Variants in NKAIN3 observed in about 807,000 individuals in gnomAD.
NKAIN3 encodes sodium/potassium transporting ATPase interacting 3.
A neutral mutation model predicts 30.2 loss-of-function variants in NKAIN3; 25 were observed. That is an observed-to-expected ratio of 0.83 (90% CI 0.60 to 1.16). NKAIN3 has a LOEUF of 1.16. NKAIN3 is among the 50% of genes most tolerant of loss of function. The pLI, the probability that NKAIN3 is intolerant of heterozygous loss-of-function variation, is 0.00. For missense variants in NKAIN3, 225 were observed against 254.1 expected, an observed-to-expected ratio of 0.89 and a Z score of 0.78; for synonymous variants, 91 against 89.6, an observed-to-expected ratio of 1.02 and a Z score of -0.09.
Position 62,977,661 on chromosome 8 carries a change from C to A in NKAIN3, c.*12254C>A, listed in dbSNP as rs529566778. Among the ~76,000 whole-genome samples, 253 of 152,140 alleles carry A rather than the reference C, an allele frequency of 1.7e-3. No individual in the cohort carries two copies. The highest frequency in any genetic ancestry group is 2.4e-3 in the Non-Finnish European group (161 of 67,992). ...TCCTCGTATTGGGTTACTATATGTTCCATTCGCTCTGAGGAGTTCGTTATT... is the reference window on the plus strand; with the variant it reads ...TCCTCGTATTGGGTTACTATATGTTACATTCGCTCTGAGGAGTTCGTTATT... On this transcript the variant is annotated 3_prime_UTR_variant, in exon 7 of 7. Transcript: ENST00000623646.
chr8:62,962,982 C>T (rs1474211148), intron 6 of NKAIN3, among the ~76,000 whole-genome samples: 1 of 152,096 alleles, frequency 6.6e-6, no homozygotes, highest in East Asian at 1.9e-4. Flanking sequence ...ACGTCCACCT[C>T]CCAGGTTCAA....
chr8:62,838,510 A>G (rs956108577), intron 4 of NKAIN3, among the ~76,000 whole-genome samples: 4 of 152,022 alleles, frequency 2.6e-5, no homozygotes, highest in Admixed American at 2.0e-4. Context: ...AAATTATCTT[A>G]TAATTGTCTT....
intron 5 of NKAIN3, chr8:62,991,130 C>A (rs1824310345): frequency 6.6e-6 from 1 of 152,262 alleles, no homozygotes; most frequent in African/African-American, 2.4e-5. Context: ...CTGAGAGGAG[C>A]CCTCTGTGGT....
At chr8:62,461,510 T>G (rs1806000028) in intron 1 of NKAIN3, among the ~76,000 whole-genome samples, 1 of 152,214 alleles carries the variant, frequency 6.6e-6, no homozygotes, top group Non-Finnish European at 1.5e-5. Flanking sequence ...ATGTTGAACT[T>G]ACTAGACAAT....
At chr8:62,506,476 C>CTTTTTTTTTTTTTTT (rs71255341) in intron 1 of NKAIN3, among the ~76,000 whole-genome samples, 8 of 98,440 alleles carry the variant, frequency 8.1e-5, no homozygotes, top group African/African-American at 1.7e-4. Flanking sequence ...TTCTTTCTTT[C>CTTTTTTTTTTTTTTT]TTTTTTTTTT....
At chr8:62,485,624 CAACTTTGT>C (rs1190495502) in intron 1 of NKAIN3, among the ~76,000 whole-genome samples, 1 of 152,170 alleles carries the variant, frequency 6.6e-6, no homozygotes, top group Non-Finnish European at 1.5e-5. Context: ...GAATGCAACA[CAACTTTGT>C]GTCATGTAGA....
At chr8:62,292,148 G>T (rs1163684023) in intron 1 of NKAIN3, among the ~76,000 whole-genome samples, 3 of 151,878 alleles carry the variant, frequency 2.0e-5, no homozygotes, top group Non-Finnish European at 4.4e-5. Context: ...TGTGAGATGG[G>T]TCTCCTGAAT....
At chr8:62,823,710 A>C (rs1818928067) in intron 4 of NKAIN3, among the ~76,000 whole-genome samples, 1 of 152,098 alleles carries the variant, frequency 6.6e-6, no homozygotes, top group African/African-American at 2.4e-5. Flanking sequence ...TAATCGCTGG[A>C]GATTTGTATA....
chr8:62,411,494 C>T (rs1170304516), intron 1 of NKAIN3, among the ~76,000 whole-genome samples: 1 of 152,080 alleles, frequency 6.6e-6, no homozygotes, highest in African/African-American at 2.4e-5. Context: ...GAACTTGGAA[C>T]AAGAAAAAGA....
chr8:62,819,003 A>G (rs1818772111), intron 4 of NKAIN3, among the ~76,000 whole-genome samples: 1 of 151,890 alleles, frequency 6.6e-6, no homozygotes, highest in Non-Finnish European at 1.5e-5. Context: ...AAAGACATTC[A>G]TGGTATAATC....
intron 1 of NKAIN3, among the ~76,000 whole-genome samples, chr8:62,434,038 A>G (rs1456282226): frequency 6.6e-6 from 1 of 151,896 alleles, no homozygotes; most frequent in Non-Finnish European, 1.5e-5. Flanking sequence ...GTTTGTCCTC[A>G]TGGAGCTTGT....
chr8:62,650,712 A>G lies in NKAIN3; in HGVS notation c.273+60918A>G, dbSNP rs534538097. 2.4e-3 allele frequency among the ~76,000 whole-genome samples: 364 copies of G among 152,250 alleles called. 3 individuals are homozygous for G. Among genetic ancestry groups the G allele is most frequent in the African/African-American group, 8.4e-3 (348 of 41,552 alleles). ...GTTAAGGACCAAAGTATGACGTGGGAATATTGAGCTCTCAGGTAGACCACA... is the reference window on the plus strand; with the variant it reads ...GTTAAGGACCAAAGTATGACGTGGGGATATTGAGCTCTCAGGTAGACCACA... On this transcript the variant is annotated intron_variant, in intron 3 of 6. Coordinates refer to ENST00000623646, the MANE Select transcript of NKAIN3 (RefSeq NM_001304533.3).
At position 62,488,919 on chromosome 8, in the gene NKAIN3, T is replaced by C. The variant is rs572105952; in HGVS notation, c.55-90620T>C. Among the ~76,000 whole-genome samples, 10 of 152,308 alleles carry C rather than the reference T, an allele frequency of 6.6e-5. No individual in the cohort carries two copies. The East Asian group carries it at 1.9e-3, about 29-fold the overall frequency. On this transcript the variant is annotated intron_variant, in intron 1 of 6. Transcript: ENST00000623646. ...GTATCCTTAACCTCCCTGGTAATTATAGCTTCCACCTATTCATATTTTATA... is the reference window on the plus strand; with the variant it reads ...GTATCCTTAACCTCCCTGGTAATTACAGCTTCCACCTATTCATATTTTATA...
At chr8:62,316,832 T>A (rs1377514801) in intron 1 of NKAIN3, among the ~76,000 whole-genome samples, 2 of 152,152 alleles carry the variant, frequency 1.3e-5, no homozygotes, top group Non-Finnish European at 2.9e-5. Context: ...TTTCTAGTTC[T>A]AGATCCTGAG....
In NKAIN3 at chr8:62,804,830, G is replaced by T. The variant is rs576895995; in HGVS notation, c.471+57701G>T. Among the ~76,000 whole-genome samples the T allele has an allele frequency of 3.2e-3, 480 of 152,244 alleles. 1 individual carries two copies. The highest frequency in any genetic ancestry group is 0.011 in the African/African-American group (467 of 41,532). On this transcript the variant is annotated intron_variant, in intron 4 of 6. Coordinates refer to ENST00000623646, the MANE Select transcript of NKAIN3 (RefSeq NM_001304533.3). ...ATTAGGCAGGAGAAGGAAATAAAGG[G>T]TATTCAATTAGGAAAAGAGGAAGTC...
At chr8:62,908,457 G>C (rs1821843919) in intron 4 of NKAIN3, among the ~76,000 whole-genome samples, 1 of 152,080 alleles carries the variant, frequency 6.6e-6, no homozygotes, top group Non-Finnish European at 1.5e-5. Context: ...GCCAGGAGTG[G>C]AATGTTATGG....
At chr8:62,896,884 AAGGCAG>A (rs1821443623) in intron 4 of NKAIN3, among the ~76,000 whole-genome samples, 4 of 152,200 alleles carry the variant, frequency 2.6e-5, no homozygotes, top group Admixed American at 2.6e-4. Flanking sequence ...GTAGGGCCAG[AAGGCAG>A]ATTGCAATGA....
chr8:62,789,324 G>C (rs1362290869), intron 4 of NKAIN3, among the ~76,000 whole-genome samples: 1 of 151,970 alleles, frequency 6.6e-6, no homozygotes, highest in Non-Finnish European at 1.5e-5. Flanking sequence ...TCATGATTTG[G>C]CTCTCTGTTT....
intron 4 of NKAIN3, among the ~76,000 whole-genome samples, chr8:62,870,963 C>T (rs990859247): frequency 6.6e-6 from 1 of 151,884 alleles, no homozygotes; most frequent in Admixed American, 6.6e-5. Flanking sequence ...CAACAAAGAT[C>T]ATACTGGGAA....
Sources: gnomAD v4.1 joint callset for allele counts (sites outside exome capture counted in the v4.1 genomes callset) on GRCh38, gnomAD v4.1.1 for gene constraint, MANE v1.5 for transcripts, NCBI Gene and HGNC (gene_info 2026-07-23, HGNC 2026-07-21) for gene names.